KIAA0319L: variants seen among roughly 807,000 people sequenced by gnomAD.
KIAA0319L encodes KIAA0319 like.
Under a neutral mutation model 120.1 loss-of-function variants are expected in KIAA0319L, and 55 were observed. That is an observed-to-expected ratio of 0.46 (90% CI 0.37 to 0.57). KIAA0319L has a LOEUF of 0.57. KIAA0319L is among the 20% of genes least tolerant of loss of function. The pLI, the probability that KIAA0319L is intolerant of heterozygous loss-of-function variation, is 0.00. For synonymous variants in KIAA0319L, 398 were observed against 471.9 expected (o/e 0.84, Z 2.03); for missense variants, 1,049 against 1,255.3 (o/e 0.84, Z 2.48).
At chr1:35,556,107 C>G (rs1226402520) in intron 1 of KIAA0319L, among the ~76,000 whole-genome samples, 2 of 152,120 alleles carry the variant, frequency 1.3e-5, no homozygotes, top group Non-Finnish European at 2.9e-5. Flanking sequence ...GGGTAACAAC[C>G]CAGGGAGAGA....
intron 5 of KIAA0319L, among the ~76,000 whole-genome samples, chr1:35,473,190 G>A (rs1570729545): frequency 6.7e-6 from 1 of 150,270 alleles, no homozygotes; most frequent in East Asian, 2.0e-4. Context: ...CCGCCTCCTG[G>A]GTTCAAGCGA....
At chr1:35,489,015 G>T (rs1057258950) in intron 3 of KIAA0319L, among the ~76,000 whole-genome samples, 1 of 152,200 alleles carries the variant, frequency 6.6e-6, no homozygotes, top group African/African-American at 2.4e-5. Context: ...GGACATATTT[G>T]CAAGTATCAA....
intron 9 of KIAA0319L, among the ~76,000 whole-genome samples, chr1:35,456,903 AGAAGGAAGGAAT>A (rs1448846222): frequency 2.5e-4 from 29 of 117,552 alleles, no homozygotes; most frequent in Non-Finnish European, 3.8e-4. Context: ...AGGGAGGGAA[AGAAGGAAGGAAT>A]GAAGGAAGGA....
At chr1:35,514,183 A>G (rs952160116) in intron 2 of KIAA0319L, among the ~76,000 whole-genome samples, 6 of 152,170 alleles carry the variant, frequency 3.9e-5, no homozygotes, top group Non-Finnish European at 8.8e-5. Context: ...CCAGGTGGCA[A>G]GATGGAAAAT....
intron 2 of KIAA0319L, chr1:35,510,991 T>A (rs959513079): frequency 6.6e-6 from 1 of 152,116 alleles, no homozygotes; most frequent in Admixed American, 6.6e-5. Context: ...AGAAAAACCA[T>A]CTTAGTGAAA....
chr1:35,465,039 C>G lies in KIAA0319L; in HGVS notation c.1201+1569G>C, dbSNP rs959269653. On this transcript the variant is annotated intron_variant, in intron 7 of 20. Transcript: ENST00000325722. ...GCAGATGTCTGCTGCAGAGGCGGGG[C>G]TCTCATGGAGAACCTCTGCTAGGGC... is the stretch of plus-strand genomic sequence containing the variant. Among the ~76,000 whole-genome samples the G allele has an allele frequency of 7.2e-5, 11 of 152,368 alleles. 1 individual carries two copies. The South Asian group carries it at 2.1e-3, about 29-fold the overall frequency.
At chr1:35,523,315 C>A (rs963326203) in intron 2 of KIAA0319L, among the ~76,000 whole-genome samples, 1 of 152,172 alleles carries the variant, frequency 6.6e-6, no homozygotes, top group African/African-American at 2.4e-5. Context: ...GTTTGGTTTT[C>A]CATCTTCTTT....
At chr1:35,527,681 T>G (rs1249470824) in intron 2 of KIAA0319L, among the ~76,000 whole-genome samples, 1 of 152,314 alleles carries the variant, frequency 6.6e-6, no homozygotes, top group African/African-American at 2.4e-5. Context: ...TTCCTGTTTG[T>G]TCATGTATAG....
chr1:35,539,530 C>T (rs1646712832), intron 2 of KIAA0319L, among the ~76,000 whole-genome samples: 1 of 152,198 alleles, frequency 6.6e-6, no homozygotes, highest in Non-Finnish European at 1.5e-5. Context: ...CAGTTAGAAA[C>T]TGATGAAGTA....
chr1:35,527,275 G>T (rs1050610132), intron 2 of KIAA0319L, among the ~76,000 whole-genome samples: 1 of 152,090 alleles, frequency 6.6e-6, no homozygotes, highest in African/African-American at 2.4e-5. Context: ...ATGTGCTGTT[G>T]AATTTGTTTT....
At chr1:35,479,531 A>T (rs1275515848) in intron 3 of KIAA0319L, among the ~76,000 whole-genome samples, 3 of 152,210 alleles carry the variant, frequency 2.0e-5, no homozygotes, top group Non-Finnish European at 1.5e-5. Flanking sequence ...CTTATTGAGC[A>T]CCTATTACAA....
intron 3 of KIAA0319L, among the ~76,000 whole-genome samples, chr1:35,504,559 T>C (rs1022673078): frequency 3.3e-5 from 5 of 152,200 alleles, no homozygotes; most frequent in Admixed American, 2.6e-4. Flanking sequence ...ATACATAATA[T>C]GTGTTAATCG....
intron 1 of KIAA0319L, among the ~76,000 whole-genome samples, chr1:35,556,316 G>A (rs1443312109): frequency 1.3e-5 from 2 of 152,218 alleles, no homozygotes; most frequent in East Asian, 1.9e-4. Flanking sequence ...AACTACATAC[G>A]TGGAACTCCA....
chr1:35,493,473 T>A (rs1644677794), intron 3 of KIAA0319L, among the ~76,000 whole-genome samples: 2 of 151,938 alleles, frequency 1.3e-5, no homozygotes, highest in South Asian at 4.1e-4. Context: ...AGTGTACAGA[T>A]CTTGCACATT....
At position 35,442,310 on chromosome 1, in the gene KIAA0319L, C is replaced by T; in HGVS notation, c.2806G>A (p.Ala936Thr). Residue 936 changes from alanine to threonine, a missense_variant, in exon 19 of 21, where the codon GCT becomes ACT. Coordinates refer to ENST00000325722, the MANE Select transcript of KIAA0319L (RefSeq NM_024874.5). ...CEWSVLYVII[A>T]TFVIVVALGI... ...AAGGCAACAACAATGACAAAGGTAG[C>T]AATGATAACATATAACACGCTCCAC... 1 of 1,613,854 alleles carries T rather than the reference C, an allele frequency of 6.2e-7. No individual in the cohort carries two copies. Among genetic ancestry groups the T allele is most frequent in the South Asian group, 1.1e-5 (1 of 91,090 alleles).
chr1:35,556,985 A>C (rs1341995753), intron 1 of KIAA0319L: 1 of 152,294 alleles, frequency 6.6e-6, no homozygotes, highest in Non-Finnish European at 1.5e-5. Flanking sequence ...GGATGGAGGG[A>C]GCTGCATGAC....
chr1:35,461,819 A>G (rs1345984612), intron 8 of KIAA0319L, among the ~76,000 whole-genome samples: 2 of 152,008 alleles, frequency 1.3e-5, no homozygotes, highest in Non-Finnish European at 1.5e-5. Context: ...CTCCTGGCCT[A>G]CTATCATCCT....
intron 13 of KIAA0319L, among the ~76,000 whole-genome samples, chr1:35,450,796 C>T (rs1642005149): frequency 6.6e-6 from 1 of 152,200 alleles, no homozygotes; most frequent in Non-Finnish European, 1.5e-5. Flanking sequence ...GAATCCATTT[C>T]TCTGCTTTGG....
chr1:35,519,283 T>A (rs921992420), intron 2 of KIAA0319L, among the ~76,000 whole-genome samples: 1 of 152,098 alleles, frequency 6.6e-6, no homozygotes, highest in African/African-American at 2.4e-5. Flanking sequence ...ATGGTAAGAA[T>A]TAAAAGTGAT....
Sources: allele counts gnomAD v4.1 joint callset (sites outside exome capture counted in the v4.1 genomes callset), GRCh38; gene constraint gnomAD v4.1.1; transcripts MANE v1.5; gene names NCBI Gene and HGNC (gene_info 2026-07-23, HGNC 2026-07-21).